Variants in NME8 observed in about 807,000 individuals in gnomAD.
NME8 encodes NME/NM23 family member 8, also known as protein NME8.
NME8 carries 72 observed loss-of-function variants against 82.3 expected under a neutral mutation model. The observed-to-expected ratio is 0.87, with a 90% CI of 0.72 to 1.06. NME8 has a LOEUF of 1.06. NME8 is among the 50% of genes least tolerant of loss of function. The pLI, the probability that NME8 is intolerant of heterozygous loss-of-function variation, is 0.00. For missense variants in NME8, 712 were observed against 685.4 expected, an observed-to-expected ratio of 1.04 and a Z score of -0.43; for synonymous variants, 267 against 228.5, an observed-to-expected ratio of 1.17 and a Z score of -1.52.
intron 4 of NME8, 72 bp from the exon 5 acceptor site, chr7:37,850,557 G>A: frequency 6.6e-7 from 1 of 1,514,390 alleles, no homozygotes; most frequent in Non-Finnish European, 9.2e-7. Context: ...CCCTGGCCAT[G>A]GCTCCAGATT....
At position 37,876,990 on chromosome 7, in the gene NME8, T is replaced by TCTTTGGTGAAAGGAAATC; in HGVS notation, c.981_982insGGTGAAAGGAAATCCTTT (p.Phe327_His328insGlyGluArgLysSerPhe). 1.2e-6 allele frequency: 2 copies of TCTTTGGTGAAAGGAAATC among 1,613,078 alleles called. No homozygotes were observed. Among genetic ancestry groups the TCTTTGGTGAAAGGAAATC allele is most frequent in the Admixed American group, 1.7e-5 (1 of 59,982 alleles). ...ACATTGGCATTACTTCGACCAAATCTCTTTCATGAAAGGAAAGGTAGGGAA... is the reference window on the plus strand; with the variant it reads ...ACATTGGCATTACTTCGACCAAATCTCTTTGGTGAAAGGAAATCCTTTCATGAAAGGAAAGGTAGGGAA... On this transcript the variant is annotated inframe_insertion, in exon 12 of 18. Transcript: ENST00000199447.
At chr7:37,869,018 C>T (rs1017703228) in intron 11 of NME8, among the ~76,000 whole-genome samples, 5 of 152,168 alleles carry the variant, frequency 3.3e-5, no homozygotes, top group African/African-American at 7.2e-5. Flanking sequence ...CTTAGAGTAT[C>T]TGAGCCTTGA....
chr7:37,873,243 C>T (rs1784795796), intron 11 of NME8, among the ~76,000 whole-genome samples: 3 of 151,614 alleles, frequency 2.0e-5, no homozygotes, highest in African/African-American at 4.8e-5. Context: ...GCCTATAGTC[C>T]CAGCTACTTG....
At chr7:37,879,550 T>C (rs892590609) in intron 12 of NME8, among the ~76,000 whole-genome samples, 1 of 152,214 alleles carries the variant, frequency 6.6e-6, no homozygotes, top group Admixed American at 6.5e-5. Flanking sequence ...TATCACTGAA[T>C]AATATTCCAT....
intron 15 of NME8, among the ~76,000 whole-genome samples, chr7:37,890,328 T>C (rs1284657896): frequency 6.6e-6 from 1 of 151,966 alleles, no homozygotes; most frequent in Non-Finnish European, 1.5e-5. Context: ...TGAAACATAA[T>C]TGTCCATATT....
intron 9 of NME8, among the ~76,000 whole-genome samples, chr7:37,864,686 C>T (rs1583630819): frequency 6.6e-6 from 1 of 152,092 alleles, no homozygotes; most frequent in Non-Finnish European, 1.5e-5. Flanking sequence ...ATTAGTCTGT[C>T]TTCATGCTGC....
chr7:37,898,614 A>G (rs1330935770), intron 17 of NME8, among the ~76,000 whole-genome samples: 1 of 152,234 alleles, frequency 6.6e-6, no homozygotes, highest in African/African-American at 2.4e-5. Flanking sequence ...AATGTTAGAC[A>G]CAGAAGAACA....
At chr7:37,894,209 C>G (rs1004320505) in intron 15 of NME8, among the ~76,000 whole-genome samples, 4 of 152,136 alleles carry the variant, frequency 2.6e-5, no homozygotes, top group African/African-American at 9.7e-5. Context: ...CCTTCCCCTT[C>G]TACTCTTGTG....
chr7:37,886,414 TTATTTC>T (rs748756748), intron 14 of NME8, among the ~76,000 whole-genome samples: 24 of 152,268 alleles, frequency 1.6e-4, no homozygotes, highest in Middle Eastern at 3.4e-3. Context: ...ATCTTAATCT[TTATTTC>T]TAATTGATCC....
At chr7:37,852,549 C>T (rs763470645) in intron 5 of NME8, among the ~76,000 whole-genome samples, 1 of 152,174 alleles carries the variant, frequency 6.6e-6, no homozygotes, top group Non-Finnish European at 1.5e-5. Context: ...TTTTGACTAC[C>T]TCCATAGTTT....
intron 11 of NME8, among the ~76,000 whole-genome samples, chr7:37,869,960 C>G (rs1411391885): frequency 6.6e-6 from 1 of 152,162 alleles, no homozygotes; most frequent in Non-Finnish European, 1.5e-5. Flanking sequence ...TCAGATCCGA[C>G]AGGAACAATT....
intron 11 of NME8, among the ~76,000 whole-genome samples, chr7:37,875,288 T>A (rs1403070623): frequency 6.6e-6 from 1 of 152,110 alleles, no homozygotes; most frequent in Non-Finnish European, 1.5e-5. Flanking sequence ...TTGGTGAAAA[T>A]TGAATACGGA....
intron 11 of NME8, among the ~76,000 whole-genome samples, chr7:37,871,469 A>G (rs934523810): frequency 6.6e-6 from 1 of 152,248 alleles, no homozygotes; most frequent in African/African-American, 2.4e-5. Context: ...TCTACAGATC[A>G]GGAAGGTGTG....
Position 37,863,422 on chromosome 7 carries a change from A to C in NME8, c.414A>C (p.Ser138=), listed in dbSNP as rs766980946. 6.3e-7 allele frequency: 1 copy of C among 1,596,564 alleles called. No homozygotes were observed. The highest frequency in any genetic ancestry group is 8.6e-7 in the Non-Finnish European group (1 of 1,164,060). The change falls in exon 8 of 18, where the codon TCA becomes TCC. Residue 138 remains serine, a synonymous_variant. Coordinates refer to ENST00000199447, the MANE Select transcript of NME8 (RefSeq NM_016616.5). ...PQYPEIPLVD[S]DSEVSEESPC... ...ATCCTGAAATTCCATTAGTAGACTC[A>C]GATTCAGAAGTTAGTGAAGAATCAC...
At chr7:37,899,988 A>G (rs569142043) in intron 17 of NME8, among the ~76,000 whole-genome samples, 1 of 152,254 alleles carries the variant, frequency 6.6e-6, no homozygotes, top group Non-Finnish European at 1.5e-5. Context: ...GAATCCTTGA[A>G]CGGGTTGGGT....
At chr7:37,870,312 C>G (rs1045027250) in intron 11 of NME8, among the ~76,000 whole-genome samples, 2 of 151,666 alleles carry the variant, frequency 1.3e-5, no homozygotes, top group Non-Finnish European at 2.9e-5. Context: ...CAATTTGAGC[C>G]GGGTGCGGTG....
At chr7:37,860,843 G>A (rs1239838450) in intron 6 of NME8, among the ~76,000 whole-genome samples, 1 of 152,064 alleles carries the variant, frequency 6.6e-6, no homozygotes, top group African/African-American at 2.4e-5. Flanking sequence ...TCTGAATTTG[G>A]CATATAATAT....
chr7:37,878,392 G>A (rs1444298024), intron 12 of NME8, among the ~76,000 whole-genome samples: 1 of 152,108 alleles, frequency 6.6e-6, no homozygotes, highest in Non-Finnish European at 1.5e-5. Flanking sequence ...ATATTCAGGA[G>A]GGATATGTGT....
intron 5 of NME8, among the ~76,000 whole-genome samples, chr7:37,853,595 G>A (rs1373596964): frequency 2.6e-5 from 4 of 152,128 alleles, no homozygotes; most frequent in Admixed American, 6.6e-5. Flanking sequence ...GGCAGTAGAC[G>A]TTCACATAGA....
Sources: allele counts gnomAD v4.1 joint callset (sites outside exome capture counted in the v4.1 genomes callset), GRCh38; gene constraint gnomAD v4.1.1; transcripts MANE v1.5; gene names NCBI Gene and HGNC (gene_info 2026-07-23, HGNC 2026-07-21).